DLGAP1: variants seen among roughly 807,000 people sequenced by gnomAD.
DLGAP1 encodes disks large-associated protein 1.
DLGAP1 carries 11 observed loss-of-function variants against 90.8 expected under a neutral mutation model. That is an observed-to-expected ratio of 0.12 (90% CI 0.08 to 0.20). The LOEUF (loss-of-function observed/expected upper bound fraction) is 0.20, where lower values mean the gene tolerates loss of function less well. Among genes scored for constraint, DLGAP1 ranks in the 10% least tolerant of loss-of-function variants. The probability of loss-of-function intolerance (pLI) is 1.00; values close to 1 mark genes in which losing one functional copy is unlikely to be tolerated. For missense variants in DLGAP1, 1,050 were observed against 1,333.8 expected (o/e 0.79, Z 3.31); for synonymous variants, 558 against 540.7 (o/e 1.03, Z -0.44).
chr18:4,125,933 TCACAGAGAAA>T (rs1253785948), intron 2 of DLGAP1, among the ~76,000 whole-genome samples: 1 of 152,082 alleles, frequency 6.6e-6, no homozygotes, highest in Non-Finnish European at 1.5e-5. Context: ...GAACAGGGAA[TCACAGAGAAA>T]CAAAAAACTA....
chr18:4,089,431 C>T (rs182865873), intron 2 of DLGAP1, among the ~76,000 whole-genome samples: 132 of 152,172 alleles, frequency 8.7e-4, no homozygotes, highest in African/African-American at 3.0e-3. Flanking sequence ...TGACATTCTT[C>T]GTAGAATTAC....
chr18:4,081,168 G>A (rs1295692173), intron 2 of DLGAP1, among the ~76,000 whole-genome samples: 6 of 152,048 alleles, frequency 3.9e-5, no homozygotes, highest in Non-Finnish European at 8.8e-5. Flanking sequence ...GATTAGAAGT[G>A]TGAGCCACTG....
At chr18:3,884,972 A>T (rs1325386880) in intron 3 of DLGAP1, among the ~76,000 whole-genome samples, 1 of 152,234 alleles carries the variant, frequency 6.6e-6, no homozygotes, top group African/African-American at 2.4e-5. Flanking sequence ...AACAAATCTT[A>T]CACTCTCTTC....
At chr18:3,673,632 C>T (rs538120926) in intron 7 of DLGAP1, among the ~76,000 whole-genome samples, 4 of 152,160 alleles carry the variant, frequency 2.6e-5, no homozygotes, top group South Asian at 2.1e-4. Context: ...CTGCAACCTT[C>T]GACTCCTGGG....
intron 2 of DLGAP1, among the ~76,000 whole-genome samples, chr18:4,099,341 A>T (rs199812315): frequency 1.4e-5 from 1 of 72,528 alleles, no homozygotes; most frequent in African/African-American, 7.0e-5. Context: ...CTATCTATCT[A>T]TCTATCTGTC....
intron 7 of DLGAP1, among the ~76,000 whole-genome samples, chr18:3,588,909 G>A (rs1057147389): frequency 3.3e-5 from 5 of 152,198 alleles, no homozygotes; most frequent in African/African-American, 7.2e-5. Flanking sequence ...GCGGCCAGGC[G>A]CGGTGGCTTA....
chr18:4,295,896 T>C (rs1032800119), intron 1 of DLGAP1, among the ~76,000 whole-genome samples: 4 of 152,256 alleles, frequency 2.6e-5, no homozygotes, highest in African/African-American at 9.6e-5. Context: ...ATTAAGTGTA[T>C]TTAAAGATAC....
intron 6 of DLGAP1, among the ~76,000 whole-genome samples, chr18:3,740,513 A>G (rs1168801359): frequency 6.6e-6 from 1 of 152,100 alleles, no homozygotes; most frequent in East Asian, 1.9e-4. Flanking sequence ...CCTGCCCTGC[A>G]GTTCCTGATT....
At chr18:3,725,387 C>T (rs542966059) in intron 7 of DLGAP1, among the ~76,000 whole-genome samples, 6 of 152,238 alleles carry the variant, frequency 3.9e-5, no homozygotes, top group Admixed American at 2.0e-4. Flanking sequence ...TTGGTATATT[C>T]CTTCAGAGGC....
In DLGAP1 at chr18:3,645,337, T is replaced by C. The variant is rs569683893; in HGVS notation, c.1592-63089A>G. Among the ~76,000 whole-genome samples the C allele has an allele frequency of 9.0e-4, 137 of 151,628 alleles. 3 individuals are homozygous for C. Among genetic ancestry groups the C allele is most frequent in the Non-Finnish European group, 8.8e-5 (6 of 67,980 alleles). ...TTTCAATTGTTGAGCTATGTGAATA[T>C]ATATATATTTTTTTAATACAGAAAA... is the stretch of plus-strand genomic sequence containing the variant. On this transcript the variant is annotated intron_variant, in intron 7 of 12. Transcript: ENST00000315677.
chr18:4,159,704 G>A (rs74864894), intron 1 of DLGAP1, among the ~76,000 whole-genome samples: 1 of 152,086 alleles, frequency 6.6e-6, no homozygotes, highest in East Asian at 1.9e-4. Flanking sequence ...ACATAACCAG[G>A]TATTTTCCAG....
At chr18:3,960,181 C>G (rs1002963847) in intron 3 of DLGAP1, among the ~76,000 whole-genome samples, 1 of 152,250 alleles carries the variant, frequency 6.6e-6, no homozygotes, top group Non-Finnish European at 1.5e-5. Flanking sequence ...TTTCCTATCC[C>G]TGATCAGCTC....
chr18:3,616,317 C>A (rs187652866), intron 7 of DLGAP1, among the ~76,000 whole-genome samples: 7 of 152,276 alleles, frequency 4.6e-5, no homozygotes, highest in African/African-American at 1.7e-4. Flanking sequence ...TCTGACCTGA[C>A]TACTCTATCA....
chr18:3,624,369 G>T (rs950049734), intron 7 of DLGAP1, among the ~76,000 whole-genome samples: 1 of 152,222 alleles, frequency 6.6e-6, no homozygotes, highest in Non-Finnish European at 1.5e-5. Context: ...GCTGTCCCCT[G>T]ACGGCAGATG....
intron 2 of DLGAP1, among the ~76,000 whole-genome samples, chr18:4,040,168 C>T (rs1032585038): frequency 6.6e-6 from 1 of 152,184 alleles, no homozygotes; most frequent in Non-Finnish European, 1.5e-5. Context: ...TACCACTCAT[C>T]CGCTGTGTGA....
intron 7 of DLGAP1, among the ~76,000 whole-genome samples, chr18:3,646,367 TG>T (rs2146375249): frequency 6.6e-6 from 1 of 152,160 alleles, no homozygotes; most frequent in African/African-American, 2.4e-5. Context: ...CGCTCTAGCC[TG>T]GGCAAGATCC....
At chr18:3,848,845 T>C (rs2069174396) in intron 4 of DLGAP1, among the ~76,000 whole-genome samples, 1 of 152,218 alleles carries the variant, frequency 6.6e-6, no homozygotes, top group East Asian at 1.9e-4. Flanking sequence ...TCCACTGTCC[T>C]TCTCCTTCCA....
In DLGAP1 at chr18:3,668,807, G is replaced by A. The variant is rs118176362; in HGVS notation, c.1591+60328C>T. Among the ~76,000 whole-genome samples, 1,189 of 152,184 alleles carry A rather than the reference G, an allele frequency of 7.8e-3. 7 individuals carry two copies. Among genetic ancestry groups the A allele is most frequent in the Non-Finnish European group, 0.014 (950 of 68,004 alleles). ...AAGGCCAGGAGTTCGAGGCCATCCT[G>A]GGCAACATGGTGAAACCCCGTCTCT... On this transcript the variant is annotated intron_variant, in intron 7 of 12. Coordinates refer to ENST00000315677, the MANE Select transcript of DLGAP1 (RefSeq NM_004746.4).
intron 7 of DLGAP1, among the ~76,000 whole-genome samples, chr18:3,723,932 G>A (rs1431320801): frequency 6.6e-6 from 1 of 152,166 alleles, no homozygotes; most frequent in Non-Finnish European, 1.5e-5. Context: ...TCCCATGGGG[G>A]ACACTGTACC....
Sources: gnomAD v4.1 joint callset for allele counts (sites outside exome capture counted in the v4.1 genomes callset) on GRCh38, gnomAD v4.1.1 for gene constraint, MANE v1.5 for transcripts, NCBI Gene and HGNC (gene_info 2026-07-23, HGNC 2026-07-21) for gene names.